Variants in VTI1A observed in about 807,000 individuals in gnomAD.
The protein encoded by VTI1A is vesicle transport through interaction with t-SNAREs homolog 1A.
In VTI1A, 22 loss-of-function variants were observed where a neutral mutation model predicts 34.9. The observed-to-expected ratio is 0.63, with a 90% CI of 0.45 to 0.90. VTI1A has a LOEUF of 0.90. Among genes scored for constraint, VTI1A ranks in the 40% least tolerant of loss-of-function variants. The probability of loss-of-function intolerance (pLI) is 0.00; values close to 1 mark genes in which losing one functional copy is unlikely to be tolerated. For missense variants in VTI1A, 268 were observed against 275.6 expected, an observed-to-expected ratio of 0.97 and a Z score of 0.20; for synonymous variants, 87 against 97.3, an observed-to-expected ratio of 0.89 and a Z score of 0.62.
At chr10:112,527,277 C>T (rs1589863876) in intron 4 of VTI1A, 113 bp downstream of exon 4, 5 of 824,064 alleles carry the variant, frequency 6.1e-6, no homozygotes, top group African/African-American at 1.7e-5. Flanking sequence ...CATGTGGAAG[C>T]GATACTGTTT....
At chr10:112,842,050 C>CTTT in the VTI1A span, among the ~76,000 whole-genome samples, 71 of 93,152 alleles carry the variant, frequency 7.6e-4, 8 homozygotes, top group South Asian at 1.4e-3. Context: ...TTTTTTTTTT[C>CTTT]CTTTTTTTTT....
chr10:112,564,526 G>A lies in VTI1A; in HGVS notation c.427+26196G>A, dbSNP rs188901010. On this transcript the variant is annotated intron_variant, in intron 5 of 7. Coordinates refer to ENST00000393077, the MANE Select transcript of VTI1A (RefSeq NM_145206.4). Reference sequence around the variant, plus strand: ...GAAACAGTTTTTCTGATTACATTTCGCTTTGCAACAGAGCCTGAGTTTTTG... The same window carrying A: ...GAAACAGTTTTTCTGATTACATTTCACTTTGCAACAGAGCCTGAGTTTTTG... Among the ~76,000 whole-genome samples the A allele has an allele frequency of 8.7e-4, 132 of 151,374 alleles. 1 individual carries two copies. The highest frequency in any genetic ancestry group is 3.1e-3 in the African/African-American group (128 of 41,326).
chr10:112,593,446 A>G (rs1470224244), intron 5 of VTI1A, among the ~76,000 whole-genome samples: 1 of 152,230 alleles, frequency 6.6e-6, no homozygotes, highest in Non-Finnish European at 1.5e-5. Flanking sequence ...TCTTCAGAGC[A>G]TGTGGGTGTC....
chr10:112,556,220 G>A (rs887509047), intron 5 of VTI1A, among the ~76,000 whole-genome samples: 1 of 151,924 alleles, frequency 6.6e-6, no homozygotes, highest in African/African-American at 2.4e-5. Context: ...AGAAGCCTAT[G>A]ATTCTAAAGT....
chr10:112,551,431 C>A (rs2134298459), intron 5 of VTI1A, among the ~76,000 whole-genome samples: 1 of 152,110 alleles, frequency 6.6e-6, no homozygotes, highest in Non-Finnish European at 1.5e-5. Context: ...GACTGGACTT[C>A]TATTGATCTC....
intron 5 of VTI1A, among the ~76,000 whole-genome samples, chr10:112,609,128 A>G (rs1449176254): frequency 1.3e-5 from 2 of 152,184 alleles, no homozygotes; most frequent in Non-Finnish European, 2.9e-5. Context: ...TTTCTATATC[A>G]GTACGTTTTA....
At position 112,534,509 on chromosome 10, in the gene VTI1A, T is replaced by C. The variant is rs1315244382; in HGVS notation, c.343-3737T>C. On this transcript the variant is annotated intron_variant, in intron 4 of 7. Coordinates refer to ENST00000393077, the MANE Select transcript of VTI1A (RefSeq NM_145206.4). ...AATTCTCTAGAATTTTTTTTATTGG[T>C]ATGTCATCATTCTCTAGGTGATACA... Among the ~76,000 whole-genome samples the C allele has an allele frequency of 2.6e-5, 4 of 152,134 alleles. No individual in the cohort carries two copies. In the East Asian group the frequency reaches 7.7e-4, roughly 29 times the overall value.
At chr10:112,499,700 A>G (rs1366050867) in intron 3 of VTI1A, among the ~76,000 whole-genome samples, 1 of 152,192 alleles carries the variant, frequency 6.6e-6, no homozygotes, top group African/African-American at 2.4e-5. Context: ...ATGCTGGTTA[A>G]CGCATATGTT....
intron 7 of VTI1A, among the ~76,000 whole-genome samples, chr10:112,717,723 C>T (rs1849659750): frequency 6.6e-6 from 1 of 152,068 alleles, no homozygotes. Flanking sequence ...ACATTCTGTG[C>T]CTCATTCTAC....
chr10:112,732,805 C>G (rs1404948659), intron 7 of VTI1A, among the ~76,000 whole-genome samples: 1 of 152,188 alleles, frequency 6.6e-6, no homozygotes, highest in African/African-American at 2.4e-5. Context: ...CTTACTGTTT[C>G]CTGACCCACA....
chr10:112,550,464 T>C (rs867750900), intron 5 of VTI1A, among the ~76,000 whole-genome samples: 47 of 152,282 alleles, frequency 3.1e-4, no homozygotes, highest in Middle Eastern at 3.4e-3. Context: ...GTACAACTTA[T>C]ATCAAGTGGA....
At chr10:112,819,424 C>G (rs937890614), downstream of VTI1A, among the ~76,000 whole-genome samples, 3 of 152,092 alleles carry the variant, frequency 2.0e-5, no homozygotes, top group East Asian at 5.8e-4. Context: ...CTCCAAGCCA[C>G]TTGCCTTCCC....
chr10:112,800,972 A>G (rs1260098624), intron 7 of VTI1A, among the ~76,000 whole-genome samples: 1 of 152,214 alleles, frequency 6.6e-6, no homozygotes, highest in Non-Finnish European at 1.5e-5. Context: ...TTTGGCTCCA[A>G]AAATGAGGGT....
intron 7 of VTI1A, 105 bp from the exon 8 acceptor site, chr10:112,815,185 C>CCCCCCCCAAA: frequency 3.6e-6 from 2 of 552,666 alleles, no homozygotes; most frequent in Non-Finnish European, 6.6e-6. Context: ...TCCCCACCCC[C>CCCCCCCCAAA]ACCTGCAAAG....
At position 112,755,261 on chromosome 10, in the gene VTI1A, AAAGAAAG is replaced by A. The variant is rs964744051; in HGVS notation, c.561-60026_561-60020del. Among the ~76,000 whole-genome samples the A allele has an allele frequency of 1.5e-4, 12 of 82,502 alleles. No homozygotes were observed. In the South Asian group the frequency reaches 4.4e-3, roughly 30 times the overall value. The allele number at this position is 82,502 out of a possible 152,430, so 54.1% of individuals were successfully genotyped here. A position where few individuals can be genotyped will look rare whatever the true frequency, so the allele number is the denominator to read the frequency against. ...ACAGAGCGAGACTGTCTCAAAAAAA[AAAGAAAG>A]AAAGAAAGAAAGAAAAGTATGCTTC... is the stretch of plus-strand genomic sequence containing the variant. On this transcript the variant is annotated intron_variant, in intron 7 of 7. Transcript: ENST00000393077.
rs932599541 is a variant in VTI1A, at chr10:112,672,636, T to C, written c.560+3638T>C. The C allele has an allele frequency of 7.2e-5, 11 of 152,340 alleles. No homozygotes were observed. In the East Asian group the frequency reaches 2.1e-3, roughly 29 times the overall value. The allele number at this position is 152,340 out of a possible 1,614,324, so 9.4% of individuals were successfully genotyped here. On this transcript the variant is annotated intron_variant, in intron 7 of 7. Transcript: ENST00000393077. The stretch of plus-strand genomic sequence containing the variant: ...AAAATTTGATTATTATAATTGGCTG[T>C]CTTAAAGTGTCACAGTATCACTAGG...
the VTI1A span, among the ~76,000 whole-genome samples, chr10:112,828,759 C>G: frequency 6.6e-6 from 1 of 151,606 alleles, no homozygotes; most frequent in Non-Finnish European, 1.5e-5. Flanking sequence ...TGCCTGTAAT[C>G]CCAGCACTTT....
intron 7 of VTI1A, chr10:112,737,067 TTTTTC>T: frequency 1.0e-5 from 4 of 399,444 alleles, no homozygotes; most frequent in South Asian, 5.1e-5. Context: ...TTTTTCTTTT[TTTTTC>T]TTTTTCTTTT....
chr10:112,668,195 C>T (rs770558550), intron 5 of VTI1A, 23 bp from the exon 6 acceptor site: 29 of 1,607,672 alleles, frequency 1.8e-5, no homozygotes, highest in Non-Finnish European at 2.2e-5. Flanking sequence ...CATTTTTCCT[C>T]ACTCAAATTT....
Sources: allele counts gnomAD v4.1 joint callset (sites outside exome capture counted in the v4.1 genomes callset), GRCh38; gene constraint gnomAD v4.1.1; transcripts MANE v1.5; gene names NCBI Gene and HGNC (gene_info 2026-07-23, HGNC 2026-07-21).